The following MED13L variants were observed in gnomAD, a reference collection of about 807,000 sequenced individuals.
MED13L encodes the protein mediator of RNA polymerase II transcription subunit 13-like.
A neutral mutation model predicts 220.9 loss-of-function variants in MED13L; 7 were observed. That is an observed-to-expected ratio of 0.03 (90% CI 0.02 to 0.06). The LOEUF is 0.06. MED13L is among the 10% of genes least tolerant of loss of function. MED13L has a pLI of 1.00. For missense variants in MED13L, 1,965 were observed against 2,760.5 expected (o/e 0.71, Z 6.46); for synonymous variants, 1,011 against 1,015.2 (o/e 1.00, Z 0.08).
chr12:116,110,196 C>T (rs941726267), intron 3 of MED13L: 2 of 152,122 alleles, frequency 1.3e-5, no homozygotes, highest in African/African-American at 2.4e-5. Context: ...GATGCTCCAA[C>T]GATGGGATCA....
chr12:116,026,327 T>A (rs1880391457), intron 4 of MED13L, among the ~76,000 whole-genome samples: 1 of 152,170 alleles, frequency 6.6e-6, no homozygotes, highest in Non-Finnish European at 1.5e-5. Context: ...TAAAAAAGAT[T>A]AAAATCGAAT....
intron 2 of MED13L, among the ~76,000 whole-genome samples, chr12:116,134,054 C>G (rs1876309342): frequency 6.6e-6 from 1 of 152,176 alleles, no homozygotes; most frequent in African/African-American, 2.4e-5. Context: ...CTATTGTGCC[C>G]TGTCTTAAGT....
chr12:115,985,561 A>G (rs748838346), intron 19 of MED13L, among the ~76,000 whole-genome samples: 14 of 152,240 alleles, frequency 9.2e-5, no homozygotes, highest in Non-Finnish European at 1.6e-4. Context: ...GCTGAATACA[A>G]AGACATTAGA....
intron 3 of MED13L, among the ~76,000 whole-genome samples, chr12:116,109,346 C>A (rs1350034471): frequency 6.6e-6 from 1 of 151,964 alleles, no homozygotes; most frequent in African/African-American, 2.4e-5. Flanking sequence ...CAAAAAAATT[C>A]TGAATTCATG....
chr12:116,252,581 T>C (rs935095370), intron 1 of MED13L, among the ~76,000 whole-genome samples: 3 of 151,900 alleles, frequency 2.0e-5, no homozygotes, highest in Admixed American at 6.6e-5. Context: ...TCTAAGCATC[T>C]ACCCTCAGAA....
chr12:116,165,505 T>C (rs1183982081), intron 2 of MED13L, among the ~76,000 whole-genome samples: 3 of 151,850 alleles, frequency 2.0e-5, no homozygotes, highest in Non-Finnish European at 4.4e-5. Context: ...TAACTTTTTG[T>C]ATTTTTAGTA....
At position 115,970,597 on chromosome 12, in the gene MED13L, T is replaced by C. The variant is rs1172075919; in HGVS notation, c.6064A>G (p.Asn2022Asp). 6.2e-7 allele frequency: 1 copy of C among 1,613,684 alleles called. No homozygotes were observed. The change falls in exon 27 of 31, where the codon AAT becomes GAT. Residue 2022 changes from asparagine to aspartate, a missense_variant. This residue lies in a region of MED13L where 145 missense variants were observed against 328.3 expected (regional missense o/e 0.44). Transcript: ENST00000281928. ...TCCATACAGGTCTTCTACTCACCAT[T>C]GTTGGGGCTAAACCCATCTTCATTG... ...YPNEDGFSPN[N>D]DDMFVDLPFP...
chr12:116,200,289 T>A (rs1881930123), intron 2 of MED13L, among the ~76,000 whole-genome samples: 1 of 152,118 alleles, frequency 6.6e-6, no homozygotes, highest in Admixed American at 6.6e-5. Context: ...CATTCAACAT[T>A]TCCAAAGAAC....
intron 4 of MED13L, among the ~76,000 whole-genome samples, chr12:116,024,037 G>C (rs1880226214): frequency 6.6e-6 from 1 of 152,122 alleles, no homozygotes; most frequent in Non-Finnish European, 1.5e-5. Flanking sequence ...GTAAATTTCA[G>C]CTAAGGGAGT....
Position 116,017,017 on chromosome 12 carries a change from T to G in MED13L, c.1010-1743A>C, listed in dbSNP as rs977877471. On this transcript the variant is annotated intron_variant, in intron 7 of 30. Coordinates refer to ENST00000281928, the MANE Select transcript of MED13L (RefSeq NM_015335.5). ...ACCGGGATACTCTCTGATACAGCAT[T>G]AAGACTCCTAACCTGTAATTCAACA... 7.2e-5 allele frequency among the ~76,000 whole-genome samples: 11 copies of G among 152,338 alleles called. No individual in the cohort carries two copies. In the East Asian group the frequency reaches 1.9e-3, roughly 27 times the overall value.
chr12:116,260,269 G>A (rs895718046), intron 1 of MED13L, among the ~76,000 whole-genome samples: 5 of 152,128 alleles, frequency 3.3e-5, no homozygotes, highest in Admixed American at 1.3e-4. Context: ...GATAGTACAC[G>A]CTGTGCCAAT....
intron 2 of MED13L, chr12:116,236,752 C>T (rs1369245302): frequency 1.3e-6 from 1 of 762,936 alleles, no homozygotes; most frequent in African/African-American, 1.9e-5. Context: ...TCAAAGACAA[C>T]TGATAAAAGT....
At chr12:116,070,646 G>T (rs1566042509) in intron 4 of MED13L, among the ~76,000 whole-genome samples, 1 of 152,062 alleles carries the variant, frequency 6.6e-6, no homozygotes, top group Non-Finnish European at 1.5e-5. Context: ...AAACCACACA[G>T]TGCCCAGAAT....
intron 1 of MED13L, among the ~76,000 whole-genome samples, chr12:116,248,373 C>A (rs1368810127): frequency 6.6e-6 from 1 of 152,024 alleles, no homozygotes; most frequent in Non-Finnish European, 1.5e-5. Context: ...AGAAATAAAT[C>A]CCTGACTGAG....
chr12:116,020,004 A>G (rs776104852), intron 5 of MED13L, 32 bp from the exon 6 acceptor site: 25 of 1,579,466 alleles, frequency 1.6e-5, no homozygotes, highest in Admixed American at 3.3e-5. Context: ...CATGCTAAAC[A>G]TTAGAGAAAT....
intron 2 of MED13L, among the ~76,000 whole-genome samples, chr12:116,192,570 T>A (rs1035725961): frequency 6.6e-6 from 1 of 152,226 alleles, no homozygotes; most frequent in Admixed American, 6.5e-5. Flanking sequence ...CATCCTTAAG[T>A]CACATTAGAC....
At chr12:116,089,103 T>C (rs1302145126) in intron 4 of MED13L, among the ~76,000 whole-genome samples, 1 of 152,126 alleles carries the variant, frequency 6.6e-6, no homozygotes, top group African/African-American at 2.4e-5. Context: ...AAAGGTCCAA[T>C]GGAAATTATG....
At chr12:116,064,934 A>G (rs1039745188) in intron 4 of MED13L, among the ~76,000 whole-genome samples, 1 of 152,192 alleles carries the variant, frequency 6.6e-6, no homozygotes, top group African/African-American at 2.4e-5. Context: ...TTTAAAATAA[A>G]TATATGTGTC....
Position 116,148,316 on chromosome 12 carries a change from T to C in MED13L, c.311-36804A>G, listed in dbSNP as rs529103340. Among the ~76,000 whole-genome samples, 6 of 151,922 alleles carry C rather than the reference T, an allele frequency of 3.9e-5. No individual in the cohort carries two copies. The South Asian group carries it at 1.2e-3, about 32-fold the overall frequency. ...AAAAAAGCCAATATTAAATACATTT[T>C]TGTGGAACTACACAAAGCCATATAT... On this transcript the variant is annotated intron_variant, in intron 2 of 30. Coordinates refer to ENST00000281928, the MANE Select transcript of MED13L (RefSeq NM_015335.5).
Sources: gnomAD v4.1 joint callset for allele counts (sites outside exome capture counted in the v4.1 genomes callset) on GRCh38, gnomAD v4.1.1 for gene constraint, gnomAD v4.1.1 regional missense constraint, MANE v1.5 for transcripts, NCBI Gene and HGNC (gene_info 2026-07-23, HGNC 2026-07-21) for gene names.